ZNF394: variants seen among roughly 807,000 people sequenced by gnomAD.
ZNF394 encodes the protein zinc finger protein 99.
Under a neutral mutation model 21.8 loss-of-function variants are expected in ZNF394, and 19 were observed. The observed-to-expected ratio is 0.87, with a 90% CI of 0.61 to 1.28. The LOEUF (loss-of-function observed/expected upper bound fraction) is 1.28, where lower values mean the gene tolerates loss of function less well. Ranked by LOEUF, ZNF394 falls within the 50% of genes most tolerant of loss-of-function variation. The pLI, the probability that ZNF394 is intolerant of heterozygous loss-of-function variation, is 0.00. For synonymous variants in ZNF394, 294 were observed against 273.3 expected (o/e 1.08, Z -0.75); for missense variants, 683 against 708.6 (o/e 0.96, Z 0.41).
chr7:99,499,221 C>T (rs756260260), intron 1 of ZNF394, among the ~76,000 whole-genome samples: 10 of 151,104 alleles, frequency 6.6e-5, no homozygotes, highest in Non-Finnish European at 1.5e-4. Flanking sequence ...ACTAAAAATA[C>T]AAAAATTAGC....
At chr7:99,497,906 T>C (rs1800389291) in intron 2 of ZNF394, 1 of 152,098 alleles carries the variant, frequency 6.6e-6, no homozygotes, top group African/African-American at 2.4e-5. Flanking sequence ...AAACAAATGC[T>C]ATACTTAATA....
chr7:99,487,203 T>C, intron 1 of ZNF394: 1 of 1,614,164 alleles, frequency 6.2e-7, no homozygotes, highest in South Asian at 1.1e-5. Flanking sequence ...TTCTATGTCA[T>C]CAACAGATTC....
At chr7:99,488,089 AAAAAC>A (rs1800067911) in intron 1 of ZNF394, among the ~76,000 whole-genome samples, 2 of 151,410 alleles carry the variant, frequency 1.3e-5, no homozygotes, top group African/African-American at 4.9e-5. Context: ...AAAAAAAAAA[AAAAAC>A]AGAGAAAAGG....
downstream of ZNF394, chr7:99,493,113 G>A (rs781274807): frequency 2.7e-6 from 2 of 747,816 alleles, no homozygotes; most frequent in Non-Finnish European, 3.3e-6. Context: ...AGTCTGTAAT[G>A]AGGCTCAGGA....
chr7:99,491,879 C>A (rs1800169229), downstream of ZNF394, among the ~76,000 whole-genome samples: 1 of 151,072 alleles, frequency 6.6e-6, no homozygotes, highest in Admixed American at 6.6e-5. Context: ...TCCAGACCAT[C>A]CTGGCTAACA....
At chr7:99,497,122 GTATA>G (rs1206330509) in intron 2 of ZNF394, among the ~76,000 whole-genome samples, 32 of 79,452 alleles carry the variant, frequency 4.0e-4, no homozygotes, top group Non-Finnish European at 5.7e-4. Context: ...GTGTGTGTGT[GTATA>G]TATATATATA....
Position 99,493,866 on chromosome 7 carries a change from G to T in ZNF394, c.1349C>A (p.Thr450Asn), listed in dbSNP as rs1019252335. The change falls in exon 3 of 3, where the codon ACC becomes AAC. Residue 450 changes from threonine (T) to asparagine (N), a missense_variant. Coordinates refer to ENST00000337673, the MANE Select transcript of ZNF394 (RefSeq NM_032164.4). The part of the protein sequence containing the change: ...KHFKCEECGE[T>N]CHISNLFRHQ... ...TCTAAAAAGGTTGGAAATATGACAG[G>T]TTTCCCCGCATTCCTCACATTTAAA... 6.2e-7 allele frequency: 1 copy of T among 1,614,020 alleles called. No individual in the cohort carries two copies. Among genetic ancestry groups the T allele is most frequent in the East Asian group, 2.2e-5 (1 of 44,898 alleles).
chr7:99,487,368 A>T (rs781383555), intron 1 of ZNF394: 1 of 1,614,234 alleles, frequency 6.2e-7, no homozygotes. Context: ...ATCTTTTTCG[A>T]CATCAGGTCA....
chr7:99,488,819 T>C (rs905329771), downstream of ZNF394, among the ~76,000 whole-genome samples: 1 of 150,074 alleles, frequency 6.7e-6, no homozygotes, highest in Non-Finnish European at 1.5e-5. Flanking sequence ...TCCCAGCTGC[T>C]TGGGAGGCTG....
rs866314642 is a variant in ZNF394 at position 99,499,786 on chromosome 7, A to G, written c.308T>C (p.Ile103Thr). 6.2e-7 allele frequency: 1 copy of G among 1,614,026 alleles called. No homozygotes were observed. The highest frequency in any genetic ancestry group is 1.3e-5 in the African/African-American group (1 of 74,920). ...CTGCTCCAGCACCAGCAGCTCCAGG[A>G]TCTGCTCCTTGGAGAGCAGCTCGGG... ...LRPELLSKEQILELLVLEQFL... is the reference protein window; with the variant it reads ...LRPELLSKEQTLELLVLEQFL... Residue 103 changes from isoleucine to threonine, a missense_variant, in exon 1 of 3, where the codon ATC becomes ACC. By Grantham distance (89) the Ile-to-Thr change is moderately conservative. This residue lies in a region of ZNF394 where 402 missense variants were observed against 373.8 expected (regional missense o/e 1.08). Coordinates refer to ENST00000337673, the MANE Select transcript of ZNF394 (RefSeq NM_032164.4).
At chr7:99,490,429 A>G (rs1800137602), downstream of ZNF394, among the ~76,000 whole-genome samples, 1 of 152,034 alleles carries the variant, frequency 6.6e-6, no homozygotes, top group Non-Finnish European at 1.5e-5. Context: ...TGCTGGGCTT[A>G]CAGGCGTGAA....
chr7:99,496,358 A>G (rs910467423), intron 2 of ZNF394, among the ~76,000 whole-genome samples: 1 of 151,778 alleles, frequency 6.6e-6, no homozygotes, highest in African/African-American at 2.4e-5. Context: ...ACCCGGCACA[A>G]GGGAGCAATT....
chr7:99,493,741 T>C lies in ZNF394; in HGVS notation c.1474A>G (p.Thr492Ala), dbSNP rs780828334. The change falls in exon 3 of 3, where the codon ACT becomes GCT. Residue 492 changes from threonine to alanine, a missense_variant. Thr to Ala is a moderately conservative substitution (Grantham distance 58). This residue lies in a region of ZNF394 where 274 missense variants were observed against 314.1 expected (regional missense o/e 0.87). Transcript: ENST00000337673. ...SDLFKHHRIH[T>A]GEKPYGCSVC... is the part of the protein sequence containing the mutation. ...GAACATCCATAGGGCTTCTCCCCAG[T>C]GTGGATTCTGTGGTGTTTAAAGAGG... 2.5e-6 allele frequency: 4 copies of C among 1,614,170 alleles called. No individual in the cohort carries two copies. Among genetic ancestry groups the C allele is most frequent in the Admixed American group, 1.7e-5 (1 of 60,022 alleles).
intron 1 of ZNF394, among the ~76,000 whole-genome samples, chr7:99,499,339 G>A (rs1429755231): frequency 6.6e-6 from 1 of 150,876 alleles, no homozygotes; most frequent in Non-Finnish European, 1.5e-5. Flanking sequence ...TCGCGCCATT[G>A]CACTCCAGCC....
chr7:99,490,051 T>C (rs983433236), downstream of ZNF394, among the ~76,000 whole-genome samples: 3 of 151,710 alleles, frequency 2.0e-5, no homozygotes, highest in Non-Finnish European at 2.9e-5. Context: ...CACTGCGTCA[T>C]GCCTGTAATC....
chr7:99,487,103 C>T, intron 1 of ZNF394: 1 of 1,614,124 alleles, frequency 6.2e-7, no homozygotes, highest in Non-Finnish European at 8.5e-7. Flanking sequence ...AGTCAGAATT[C>T]AACCCTTATT....
chr7:99,486,653 A>G (rs200026559), exon 2 of ZNF394: 475 of 1,614,110 alleles, frequency 2.9e-4, no homozygotes, highest in Non-Finnish European at 3.5e-4. Context: ...ACTAGTGGTG[A>G]TGAATACAGC....
chr7:99,496,662 C>A (rs1458401894), intron 2 of ZNF394, among the ~76,000 whole-genome samples: 2 of 152,084 alleles, frequency 1.3e-5, no homozygotes, highest in Admixed American at 1.3e-4. Flanking sequence ...GATCTGCCCA[C>A]CTCGGCCTCC....
Position 99,498,770 on chromosome 7 carries a change from T to TC in ZNF394, c.528dup (p.Arg177GlufsTer58). 6.2e-7 allele frequency: 1 copy of TC among 1,614,052 alleles called. No individual in the cohort carries two copies. The highest frequency in any genetic ancestry group is 8.5e-7 in the Non-Finnish European group (1 of 1,180,010). On this transcript the variant is annotated frameshift_variant, in exon 2 of 3. Transcript: ENST00000337673. LOFTEE classifies it high-confidence loss of function. ...TGCGCACTCTCTCTGCAGAAGTCCC[T>TC]CCGTGCTGGGTCCAGGCGCTCCCAC...
Sources: gnomAD v4.1 joint callset for allele counts (sites outside exome capture counted in the v4.1 genomes callset) on GRCh38, gnomAD v4.1.1 for gene constraint, gnomAD v4.1.1 regional missense constraint, MANE v1.5 for transcripts, NCBI Gene and HGNC (gene_info 2026-07-23, HGNC 2026-07-21) for gene names.